XPR1: variants seen among roughly 807,000 people sequenced by gnomAD.
XPR1 encodes xenotropic and polytropic retrovirus receptor 1.
Under a neutral mutation model 87.5 loss-of-function variants are expected in XPR1, and 28 were observed. That is an observed-to-expected ratio of 0.32 (90% CI 0.24 to 0.44). XPR1 has a LOEUF of 0.44. Ranked by LOEUF, XPR1 falls within the 20% of genes least tolerant of loss-of-function variation. The pLI is 1.00. For missense variants in XPR1, 559 were observed against 862.3 expected, an observed-to-expected ratio of 0.65 and a Z score of 4.41; for synonymous variants, 300 against 306.1, an observed-to-expected ratio of 0.98 and a Z score of 0.21.
At chr1:180,840,532 TTGTGTGTG>T (rs373937004) in intron 11 of XPR1, among the ~76,000 whole-genome samples, 65 of 110,446 alleles carry the variant, frequency 5.9e-4, no homozygotes, top group African/African-American at 2.1e-3. Context: ...GTTAACATAT[TTGTGTGTG>T]TGTGTGTGTG....
intron 2 of XPR1, among the ~76,000 whole-genome samples, chr1:180,696,404 A>G (rs892885152): frequency 2.0e-5 from 3 of 151,918 alleles, no homozygotes; most frequent in Non-Finnish European, 4.4e-5. Context: ...AGATCATGTC[A>G]TCTATAAAGC....
chr1:180,670,011 TA>T (rs577173342), intron 1 of XPR1, among the ~76,000 whole-genome samples: 16 of 152,270 alleles, frequency 1.1e-4, no homozygotes, highest in East Asian at 5.8e-4. Flanking sequence ...ATTGAACCTT[TA>T]AAAAAATATG....
At chr1:180,748,376 G>A (rs1441936704) in intron 2 of XPR1, among the ~76,000 whole-genome samples, 1 of 115,678 alleles carries the variant, frequency 8.6e-6, no homozygotes, top group Non-Finnish European at 1.9e-5. Flanking sequence ...TAATTATTTT[G>A]CTACTCTGTG....
intron 1 of XPR1, among the ~76,000 whole-genome samples, chr1:180,670,096 A>C (rs1557948770): frequency 6.6e-6 from 1 of 152,018 alleles, no homozygotes; most frequent in Non-Finnish European, 1.5e-5. Context: ...ATCTATTTCC[A>C]TCCTTTCACT....
intron 11 of XPR1, among the ~76,000 whole-genome samples, chr1:180,849,819 T>C (rs1651805809): frequency 6.6e-6 from 1 of 152,060 alleles, no homozygotes; most frequent in Non-Finnish European, 1.5e-5. Context: ...TAGAGAGGAA[T>C]GAGAAAGCAG....
chr1:180,800,916 G>T (rs1160377412), intron 3 of XPR1, among the ~76,000 whole-genome samples: 1 of 152,140 alleles, frequency 6.6e-6, no homozygotes, highest in Non-Finnish European at 1.5e-5. Context: ...GTGACTCTCT[G>T]TTGTAGTGAC....
chr1:180,742,133 G>T (rs539857925), intron 2 of XPR1, among the ~76,000 whole-genome samples: 25 of 151,448 alleles, frequency 1.7e-4, no homozygotes, highest in East Asian at 5.8e-4. Context: ...TTATTAGGGG[G>T]TTTTTTTGGT....
chr1:180,695,036 C>T (rs980643740), intron 2 of XPR1, among the ~76,000 whole-genome samples: 18 of 152,220 alleles, frequency 1.2e-4, no homozygotes, highest in Non-Finnish European at 2.1e-4. Flanking sequence ...GTCCCCTTTT[C>T]TCTGCATCTT....
intron 2 of XPR1, among the ~76,000 whole-genome samples, chr1:180,710,866 G>C (rs1035518313): frequency 6.6e-6 from 1 of 151,966 alleles, no homozygotes; most frequent in African/African-American, 2.4e-5. Flanking sequence ...GCAGCTGGCC[G>C]GGTGGGGGCT....
In XPR1 at chr1:180,659,268, C is replaced by T. The variant is rs375161892; in HGVS notation, c.70-23092C>T. Reference sequence around the variant, plus strand: ...TTCCTTCCTCCCTCCCTCCCTCCCTCCCTCCCTCCCTTCTTTCCCATCAGT... The same window carrying T: ...TTCCTTCCTCCCTCCCTCCCTCCCTTCCTCCCTCCCTTCTTTCCCATCAGT... On this transcript the variant is annotated intron_variant, in intron 1 of 14. Coordinates refer to ENST00000367590, the MANE Select transcript of XPR1 (RefSeq NM_004736.4). 1.3e-3 allele frequency among the ~76,000 whole-genome samples: 148 copies of T among 111,188 alleles called. No individual in the cohort carries two copies. In the Middle Eastern group the frequency reaches 0.02, roughly 15 times the overall value. 72.9% of individuals were successfully genotyped at this position (111,188 alleles called of 152,430 possible).
intron 11 of XPR1, among the ~76,000 whole-genome samples, chr1:180,854,226 A>G (rs2102194736): frequency 6.6e-6 from 1 of 152,384 alleles, no homozygotes; most frequent in South Asian, 2.1e-4. Context: ...TTTCCTGTAA[A>G]GGATTACAAT....
intron 2 of XPR1, among the ~76,000 whole-genome samples, chr1:180,725,219 T>G (rs1027283855): frequency 5.3e-5 from 8 of 152,232 alleles, no homozygotes; most frequent in African/African-American, 1.9e-4. Flanking sequence ...AGCATCATTT[T>G]AGTGGATACA....
intron 2 of XPR1, among the ~76,000 whole-genome samples, chr1:180,704,619 TA>T (rs1657490129): frequency 6.6e-6 from 1 of 151,742 alleles, no homozygotes; most frequent in African/African-American, 2.4e-5. Flanking sequence ...AGTGCAGTTT[TA>T]TCCCTATTAA....
chr1:180,873,191 T>C (rs1415743129), intron 12 of XPR1, among the ~76,000 whole-genome samples: 2 of 152,190 alleles, frequency 1.3e-5, no homozygotes, highest in Non-Finnish European at 2.9e-5. Context: ...GACTTTTGTG[T>C]AGCTAAAACT....
intron 1 of XPR1, among the ~76,000 whole-genome samples, chr1:180,664,965 G>A (rs1655909766): frequency 6.6e-6 from 1 of 152,208 alleles, no homozygotes; most frequent in South Asian, 2.1e-4. Context: ...GATCTGATAG[G>A]AGGTGGAGCT....
chr1:180,806,282 T>G, intron 5 of XPR1, 71 bp downstream of exon 5: 1 of 1,572,732 alleles, frequency 6.4e-7, no homozygotes, highest in South Asian at 1.2e-5. Flanking sequence ...CAATTCCTTA[T>G]TTCTGTTATT....
At chr1:180,820,678 A>G (rs1305269729) in intron 7 of XPR1, among the ~76,000 whole-genome samples, 1 of 152,186 alleles carries the variant, frequency 6.6e-6, no homozygotes, top group Non-Finnish European at 1.5e-5. Flanking sequence ...CATTCCTACT[A>G]GCAGTTTATG....
Position 180,884,023 on chromosome 1 carries a change from C to G in XPR1, c.2048C>G (p.Thr683Ser), listed in dbSNP as rs1571259332. ...ACCACTAGATCCAAGGCTCGTGACA[C>G]TAAGGTATTGATAGAAGACACAGAT... ...RLASQSKARD[T>S]KVLIEDTDDE... The change falls in exon 15 of 15, where the codon ACT (threonine) becomes AGT (serine). Residue 683 changes from threonine (T) to serine (S), a missense_variant. By Grantham distance (58) the Thr-to-Ser change is moderately conservative. Coordinates refer to ENST00000367590, the MANE Select transcript of XPR1 (RefSeq NM_004736.4). 5.0e-6 allele frequency: 8 copies of G among 1,614,060 alleles called. No homozygotes were observed. In the African/African-American group the frequency reaches 1.1e-4, roughly 22 times the overall value.
chr1:180,637,801 G>T (rs1654834762), intron 1 of XPR1, among the ~76,000 whole-genome samples: 1 of 152,142 alleles, frequency 6.6e-6, no homozygotes, highest in South Asian at 2.1e-4. Flanking sequence ...TGATCCGCCT[G>T]CCTCAGCCTC....
Sources: gnomAD v4.1 joint callset for allele counts (sites outside exome capture counted in the v4.1 genomes callset) on GRCh38, gnomAD v4.1.1 for gene constraint, MANE v1.5 for transcripts, NCBI Gene and HGNC (gene_info 2026-07-23, HGNC 2026-07-21) for gene names.